Variants in EIF3B observed in about 807,000 individuals in gnomAD.
The protein encoded by EIF3B is eukaryotic translation initiation factor 3 subunit 9.
EIF3B carries 10 observed loss-of-function variants against 104.6 expected under a neutral mutation model. The observed-to-expected ratio is 0.10, with a 90% CI of 0.06 to 0.16. The LOEUF (loss-of-function observed/expected upper bound fraction) is 0.16, where lower values mean the gene tolerates loss of function less well. EIF3B is among the 10% of genes least tolerant of loss of function. The probability of loss-of-function intolerance (pLI) is 1.00; values close to 1 mark genes in which losing one functional copy is unlikely to be tolerated. For missense variants in EIF3B, 1,014 were observed against 1,087.9 expected (o/e 0.93, Z 0.96); for synonymous variants, 542 against 417.2 (o/e 1.30, Z -3.65).
Position 2,377,058 on chromosome 7 carries a change from A to T in EIF3B, c.2137A>T (p.Ser713Cys). The change falls in exon 15 of 19, where the codon AGC becomes TGC. Residue 713 changes from serine to cysteine, a missense_variant. Physicochemically the swap from Ser to Cys is moderately radical, Grantham distance 112. Coordinates refer to ENST00000360876, the MANE Select transcript of EIF3B (RefSeq NM_001037283.2). ...LWRPRPPTLL[S>C]QEQIKQIKKD... is the part of the protein sequence containing the mutation. ...GCGGCCCCGGCCTCCCACACTCCTG[A>T]GCCAGGAACAGATCAAGGTCAGCAT... 6.2e-7 allele frequency: 1 copy of T among 1,612,312 alleles called. No homozygotes were observed. The highest frequency in any genetic ancestry group is 8.5e-7 in the Non-Finnish European group (1 of 1,178,926).
chr7:2,380,077 G>A (rs997862833), intron 18 of EIF3B, 127 bp from the exon 19 acceptor site: 1 of 305,556 alleles, frequency 3.3e-6, no homozygotes, highest in African/African-American at 2.2e-5. Flanking sequence ...GTGGCACACG[G>A]GCTCAGCTCT....
intron 10 of EIF3B, among the ~76,000 whole-genome samples, chr7:2,371,001 T>C (rs1420977688): frequency 2.6e-5 from 4 of 152,118 alleles, no homozygotes; most frequent in African/African-American, 7.2e-5. Context: ...AGGCGGAGCT[T>C]GCAGTGAGCC....
rs755933619 is a variant in EIF3B at position 2,366,386 on chromosome 7, C to T, written c.1227C>T (p.Ile409=). ...DDPQAIIIWD[I]LTGHKKRGFH... ...CTCAGGCCATAATCATCTGGGACAT[C>T]CTTACGGGGCACAAGAAGAGGGGTT... Residue 409 remains isoleucine (I), a synonymous_variant, in exon 7 of 19, where the codon ATC becomes ATT. Transcript: ENST00000360876. The T allele has an allele frequency of 6.2e-7, 1 of 1,614,050 alleles. No individual in the cohort carries two copies. Among genetic ancestry groups the T allele is most frequent in the Non-Finnish European group, 8.5e-7 (1 of 1,180,014 alleles).
intron 6 of EIF3B, among the ~76,000 whole-genome samples, chr7:2,365,418 A>G (rs1179003163): frequency 1.3e-5 from 2 of 151,576 alleles, no homozygotes; most frequent in East Asian, 1.9e-4. Flanking sequence ...GCAGTTGTGG[A>G]AGGCAGTGCG....
In EIF3B at chr7:2,355,200, C is replaced by T. The variant is rs1211975857; in HGVS notation, c.279C>T (p.Pro93=). Residue 93 remains proline (P), a synonymous_variant, in exon 1 of 19, where the codon CCC becomes CCT. Coordinates refer to ENST00000360876, the MANE Select transcript of EIF3B (RefSeq NM_001037283.2). ...SPSPPAAEEL[P]GSHAEPPVPA... is the part of the protein sequence containing the mutation. ...CGCCGCCGGCCGCCGAGGAGCTGCCCGGGTCGCATGCTGAGCCCCCTGTCC... is the reference window on the plus strand; with the variant it reads ...CGCCGCCGGCCGCCGAGGAGCTGCCTGGGTCGCATGCTGAGCCCCCTGTCC... 4.0e-6 allele frequency: 6 copies of T among 1,486,884 alleles called. No homozygotes were observed. In the African/African-American group the frequency reaches 4.4e-5, roughly 11 times the overall value. 92.1% of individuals were successfully genotyped at this position (1,486,884 alleles called of 1,614,324 possible). A position where few individuals can be genotyped will look rare whatever the true frequency, so the allele number is the denominator to read the frequency against.
At position 2,362,633 on chromosome 7, in the gene EIF3B, T is replaced by G; in HGVS notation, c.693-12T>G. On this transcript the variant is annotated splice_polypyrimidine_tract_variant and intron_variant, in intron 2 of 18. Transcript: ENST00000360876. ...CAGTGTGGGTATGTGCCAACGGCCC[T>G]CTCTCACTCAGGTATATTTTCCTGG... is the stretch of plus-strand genomic sequence containing the variant. 4.3e-6 allele frequency: 7 copies of G among 1,614,110 alleles called. No individual in the cohort carries two copies. Among genetic ancestry groups the G allele is most frequent in the Non-Finnish European group, 5.9e-6 (7 of 1,180,006 alleles).
At chr7:2,379,545 G>T (rs1189404000) in intron 18 of EIF3B, 34 bp downstream of exon 18, 2 of 1,355,494 alleles carry the variant, frequency 1.5e-6, no homozygotes, top group Admixed American at 2.0e-5. Flanking sequence ...TGGGGGTCCT[G>T]TTGGCTGCTC....
intron 14 of EIF3B, among the ~76,000 whole-genome samples, chr7:2,375,733 A>G (rs1383559336): frequency 1.3e-5 from 2 of 152,098 alleles, no homozygotes; most frequent in East Asian, 3.9e-4. Flanking sequence ...GCCCCTGCTC[A>G]TGGTTGCGGG....
At chr7:2,374,741 A>G (rs906612813) in intron 13 of EIF3B, 135 bp downstream of exon 13, 5 of 751,024 alleles carry the variant, frequency 6.7e-6, no homozygotes, top group Non-Finnish European at 1.1e-5. Context: ...GTGTCAGTGG[A>G]TAGGACTTCA....
chr7:2,375,337 G>A (rs760670962), intron 13 of EIF3B, 52 bp from the exon 14 acceptor site: 79 of 1,606,138 alleles, frequency 4.9e-5, no homozygotes, highest in Non-Finnish European at 6.2e-5. Flanking sequence ...GGAGTGGGAT[G>A]CCAGGAGGTA....
At chr7:2,363,180 T>C in intron 4 of EIF3B, 53 bp downstream of exon 4, 1 of 1,575,450 alleles carries the variant, frequency 6.3e-7, no homozygotes, top group Non-Finnish European at 8.7e-7. Context: ...CTGCTGGGTG[T>C]GGTGGGTCAC....
intron 2 of EIF3B, among the ~76,000 whole-genome samples, chr7:2,361,851 A>G (rs1779746835): frequency 1.3e-5 from 2 of 152,086 alleles, no homozygotes; most frequent in Admixed American, 1.3e-4. Context: ...ATCTCAGCTC[A>G]CTGCAACCTC....
rs1214857231 is a variant in EIF3B, at chr7:2,374,594, C to T, written c.1877C>T (p.Ala626Val). ...CCCCAAGGACAGTTCGTGGTGTTGG[C>T]GGGCCTGAGGAGGTAGGTGTCTGCG... Reference protein sequence around the residue: ...WSPQGQFVVLAGLRSMNGALA... With the variant: ...WSPQGQFVVLVGLRSMNGALA... Residue 626 changes from alanine to valine, a missense_variant, in exon 13 of 19, where the codon GCG becomes GTG. Ala to Val is a moderately conservative substitution (Grantham distance 64, BLOSUM62 0). This residue lies in a region of EIF3B where 266 missense variants were observed against 324.0 expected (regional missense o/e 0.82). Transcript: ENST00000360876. 5 of 1,613,890 alleles carry T rather than the reference C, an allele frequency of 3.1e-6. No homozygotes were observed. The highest frequency in any genetic ancestry group is 2.2e-5 in the East Asian group (1 of 44,870).
chr7:2,362,126 A>C (rs1049524278), intron 2 of EIF3B, among the ~76,000 whole-genome samples: 1 of 151,946 alleles, frequency 6.6e-6, no homozygotes, highest in Non-Finnish European at 1.5e-5. Flanking sequence ...TGCCCGGCTA[A>C]TTTTTGTATA....
rs568018284 is a variant in EIF3B at position 2,364,255 on chromosome 7, G to A, written c.1000-117G>A. 6.0e-5 allele frequency: 58 copies of A among 966,516 alleles called. No individual in the cohort carries two copies. The African/African-American group carries it at 7.3e-4, about 12-fold the overall frequency. 59.9% of individuals were successfully genotyped at this position (966,516 alleles called of 1,614,324 possible). On this transcript the variant is annotated intron_variant, in intron 5 of 18. Coordinates refer to ENST00000360876, the MANE Select transcript of EIF3B (RefSeq NM_001037283.2). ...CCAGCCTGGGAGACAGCGAGACTCCGTCTCAAAAAAAAAAAAAGTTTGTAG... is the reference window on the plus strand; with the variant it reads ...CCAGCCTGGGAGACAGCGAGACTCCATCTCAAAAAAAAAAAAAGTTTGTAG...
intron 10 of EIF3B, among the ~76,000 whole-genome samples, chr7:2,370,535 T>A (rs1404347556): frequency 6.6e-6 from 1 of 152,176 alleles, no homozygotes. Flanking sequence ...CTTCTTTCTT[T>A]TATGTTAAGA....
In EIF3B at chr7:2,380,421, G is replaced by C. The variant is rs1012310353; in HGVS notation, c.*232G>C. The C allele has an allele frequency of 1.9e-6, 1 of 518,442 alleles. No individual in the cohort carries two copies. The highest frequency in any genetic ancestry group is 3.9e-6 in the Non-Finnish European group (1 of 259,588). 32.1% of individuals were successfully genotyped at this position (518,442 alleles called of 1,614,324 possible). On this transcript the variant is annotated 3_prime_UTR_variant, in exon 19 of 19. Coordinates refer to ENST00000360876, the MANE Select transcript of EIF3B (RefSeq NM_001037283.2). ...ACATTTTTGTGCCTTTCAGCCCCTG[G>C]TGTCTGCAGTGGGGGATTTAAGGCA...
At position 2,375,428 on chromosome 7, in the gene EIF3B, C is replaced by T. The variant is rs933853753; in HGVS notation, c.1929C>T (p.Cys643=). 6.2e-7 allele frequency: 1 copy of T among 1,614,118 alleles called. No individual in the cohort carries two copies. The highest frequency in any genetic ancestry group is 1.3e-5 in the African/African-American group (1 of 74,950). The change falls in exon 14 of 19, where the codon TGC becomes TGT. Residue 643 remains cysteine (C), a synonymous_variant. Transcript: ENST00000360876. The part of the protein sequence containing the change: ...GALAFVDTSD[C]TVMNIAEHYM... The stretch of plus-strand genomic sequence containing the variant: ...TAGCGTTTGTGGACACTTCGGACTG[C>T]ACGGTCATGAACATCGCAGAGCACT...
chr7:2,375,347 AT>A, intron 13 of EIF3B, 41 bp from the exon 14 acceptor site: 1 of 1,609,802 alleles, frequency 6.2e-7, no homozygotes, highest in Non-Finnish European at 8.5e-7. Context: ...GCCAGGAGGT[AT>A]GCGTCTCCAT....
Sources: allele counts gnomAD v4.1 joint callset (sites outside exome capture counted in the v4.1 genomes callset), GRCh38; gene constraint gnomAD v4.1.1; regional missense constraint gnomAD v4.1.1; transcripts MANE v1.5; gene names NCBI Gene and HGNC (gene_info 2026-07-23, HGNC 2026-07-21).